Variants in HACL1 observed in about 807,000 individuals in gnomAD.
HACL1 encodes 1600020H07Rik.
Under a neutral mutation model 74.2 loss-of-function variants are expected in HACL1, and 64 were observed. The ratio of observed to expected loss-of-function variants is 0.86; its 90% CI spans 0.70 to 1.06. The LOEUF (loss-of-function observed/expected upper bound fraction) is 1.06, where lower values mean the gene tolerates loss of function less well. HACL1 is among the 50% of genes least tolerant of loss of function. HACL1 has a pLI of 0.00. For missense variants in HACL1, 728 were observed against 719.7 expected (o/e 1.01, Z -0.13); for synonymous variants, 230 against 238.8 (o/e 0.96, Z 0.34).
At position 15,591,673 on chromosome 3, in the gene HACL1, C is replaced by T; in HGVS notation, c.235G>A (p.Val79Ile). The change falls in exon 4 of 17, where the codon GTC becomes ATC. Residue 79 changes from valine (V) to isoleucine (I), a missense_variant. Coordinates refer to ENST00000321169, the MANE Select transcript of HACL1 (RefSeq NM_012260.4). The part of the protein sequence containing the change: ...AIGYLTSRPG[V>I]CLVVSGPGLI... ...CCTGGGCCAGAAACAACAAGGCAGA[C>T]TCCTGGCCTAAAAGCAAAACAGAAT... The T allele has an allele frequency of 6.2e-7, 1 of 1,609,054 alleles. No homozygotes were observed. The highest frequency in any genetic ancestry group is 8.5e-7 in the Non-Finnish European group (1 of 1,175,930).
chr3:15,600,977 A>G (rs1490677755), intron 2 of HACL1, 113 bp downstream of exon 2: 1 of 697,678 alleles, frequency 1.4e-6, no homozygotes, highest in East Asian at 2.7e-5. Context: ...TTGATATGAT[A>G]TATGTAAAGT....
chr3:15,563,652 A>G, intron 15 of HACL1, 108 bp from the exon 16 acceptor site: 1 of 659,764 alleles, frequency 1.5e-6, no homozygotes, highest in Non-Finnish European at 2.6e-6. Context: ...ACTCAAAGGC[A>G]TACTTTTATC....
intron 3 of HACL1, among the ~76,000 whole-genome samples, 187 bp from the exon 4 acceptor site, chr3:15,591,867 TATAC>T (rs1006737556): frequency 3.3e-5 from 5 of 150,930 alleles, no homozygotes; most frequent in African/African-American, 9.7e-5. Flanking sequence ...TCGCGATATA[TATAC>T]ATACACACAT....
At chr3:15,582,258 TAA>T (rs947754959) in intron 8 of HACL1, among the ~76,000 whole-genome samples, 18 of 152,152 alleles carry the variant, frequency 1.2e-4, no homozygotes, top group African/African-American at 3.6e-4. Context: ...CAATATACAC[TAA>T]AAGTCTTAAA....
intron 6 of HACL1, 79 bp downstream of exon 6, chr3:15,586,446 T>C (rs2063795390): frequency 1.3e-6 from 1 of 769,636 alleles, no homozygotes; most frequent in Non-Finnish European, 2.3e-6. Flanking sequence ...ACTCATTCTT[T>C]TGAGAATAAA....
intron 14 of HACL1, among the ~76,000 whole-genome samples, chr3:15,566,815 C>CT (rs1156234795): frequency 0.012 from 1,089 of 92,436 alleles, 27 homozygotes; most frequent in East Asian, 0.033. Context: ...GGTTAAGTGA[C>CT]TTTTTTTTTT....
rs192139586 is a variant in HACL1, at chr3:15,584,992, C to T, written c.554+256G>A. 1.4e-3 allele frequency among the ~76,000 whole-genome samples: 220 copies of T among 152,202 alleles called. 2 individuals carry two copies. Among genetic ancestry groups the T allele is most frequent in the Non-Finnish European group, 1.2e-3 (83 of 68,008 alleles). ...AACGAGGGATGTATATTTATGGTTA[C>T]TGGAGGAATATTTTCAACGAGGAGT... On this transcript the variant is annotated intron_variant, in intron 7 of 16. Coordinates refer to ENST00000321169, the MANE Select transcript of HACL1 (RefSeq NM_012260.4).
At chr3:15,597,633 A>G (rs113835054) in intron 2 of HACL1, among the ~76,000 whole-genome samples, 3,207 of 117,192 alleles carry the variant, frequency 0.027, 122 homozygotes, top group African/African-American at 0.09. Flanking sequence ...ATAAATGTGG[A>G]AAAAAAAAAA....
intron 1 of HACL1, 82 bp from the exon 2 acceptor site, chr3:15,601,276 G>A (rs984990979): frequency 2.5e-5 from 40 of 1,569,864 alleles, no homozygotes; most frequent in Non-Finnish European, 3.2e-5. Flanking sequence ...GGCGCTAAAA[G>A]GAAAACCCCC....
intron 2 of HACL1, among the ~76,000 whole-genome samples, chr3:15,598,519 T>C (rs756943269): frequency 6.6e-6 from 1 of 152,148 alleles, no homozygotes. Flanking sequence ...AAAATGAAAA[T>C]AATTCAAAGC....
chr3:15,589,349 T>C (rs2063851083), intron 5 of HACL1, among the ~76,000 whole-genome samples, 191 bp downstream of exon 5: 1 of 151,910 alleles, frequency 6.6e-6, no homozygotes, highest in Non-Finnish European at 1.5e-5. Flanking sequence ...ACTCAAAAAT[T>C]AGCCAGGCAT....
intron 3 of HACL1, 197 bp downstream of exon 3, chr3:15,596,187 T>C (rs868484916): frequency 5.6e-6 from 3 of 531,804 alleles, no homozygotes; most frequent in Non-Finnish European, 1.0e-5. Context: ...AAAATGGCAA[T>C]GTGTTCCACT....
At chr3:15,596,342 C>A (rs200409115) in intron 3 of HACL1, 42 bp downstream of exon 3, 4 of 1,090,752 alleles carry the variant, frequency 3.7e-6, no homozygotes, top group Non-Finnish European at 4.3e-6. Context: ...AGTTCTACCC[C>A]AAAATATTAA....
chr3:15,589,423 G>C, intron 5 of HACL1, 117 bp downstream of exon 5: 1 of 614,304 alleles, frequency 1.6e-6, no homozygotes, highest in South Asian at 2.0e-5. Flanking sequence ...CTTGAGGTCA[G>C]GAGGTCAAGA....
chr3:15,589,364 G>C (rs980370605), intron 5 of HACL1, among the ~76,000 whole-genome samples, 176 bp downstream of exon 5: 2 of 152,090 alleles, frequency 1.3e-5, no homozygotes, highest in African/African-American at 4.8e-5. Flanking sequence ...AGGCATGGTG[G>C]TGTGAACCTG....
intron 16 of HACL1, among the ~76,000 whole-genome samples, chr3:15,561,918 G>A (rs1201067276): frequency 6.6e-6 from 1 of 152,114 alleles, no homozygotes; most frequent in East Asian, 1.9e-4. Context: ...AGCCTCAAGT[G>A]ATCCGCCCAC....
At chr3:15,596,677 A>C (rs2064071917) in intron 2 of HACL1, among the ~76,000 whole-genome samples, 1 of 152,226 alleles carries the variant, frequency 6.6e-6, no homozygotes, top group South Asian at 2.1e-4. Context: ...CTGCAGGATC[A>C]ATAGGAATGT....
chr3:15,578,627 T>C (rs1009719871), intron 9 of HACL1, among the ~76,000 whole-genome samples: 2 of 152,006 alleles, frequency 1.3e-5, no homozygotes, highest in Non-Finnish European at 1.5e-5. Flanking sequence ...AAATGTCAGA[T>C]TTTTTTTCTT....
Position 15,592,999 on chromosome 3 carries a change from T to C in HACL1, c.228-1319A>G, listed in dbSNP as rs143798170. On this transcript the variant is annotated intron_variant, in intron 3 of 16. Coordinates refer to ENST00000321169, the MANE Select transcript of HACL1 (RefSeq NM_012260.4). ...GTGCGTGTATACACATGTACGCACATGTGTGCGTGTATACACATGTACGCA... is the reference window on the plus strand; with the variant it reads ...GTGCGTGTATACACATGTACGCACACGTGTGCGTGTATACACATGTACGCA... Among the ~76,000 whole-genome samples, 5 of 37,896 alleles carry C rather than the reference T, an allele frequency of 1.3e-4. 2 individuals carry two copies. Among genetic ancestry groups the C allele is most frequent in the Non-Finnish European group, 2.7e-4 (3 of 11,170 alleles). The allele number at this position is 37,896 out of a possible 152,430, so 24.9% of individuals were successfully genotyped here.
Sources: allele counts gnomAD v4.1 joint callset (sites outside exome capture counted in the v4.1 genomes callset), GRCh38; gene constraint gnomAD v4.1.1; transcripts MANE v1.5; gene names NCBI Gene and HGNC (gene_info 2026-07-23, HGNC 2026-07-21).